INTS6: variants seen among roughly 807,000 people sequenced by gnomAD.
INTS6 encodes the protein DEAD box protein.
Under a neutral mutation model 104.9 loss-of-function variants are expected in INTS6, and 16 were observed. That is an observed-to-expected ratio of 0.15 (90% confidence interval 0.10 to 0.23). The LOEUF (loss-of-function observed/expected upper bound fraction) is 0.23, where lower values mean the gene tolerates loss of function less well. Among genes scored for constraint, INTS6 ranks in the 10% least tolerant of loss-of-function variants. The pLI is 1.00. For synonymous variants in INTS6, 324 were observed against 358.7 expected, an observed-to-expected ratio of 0.90 and a Z score of 1.09; for missense variants, 584 against 1,062.8, an observed-to-expected ratio of 0.55 and a Z score of 6.26.
At chr13:51,431,247 T>C (rs887176375) in intron 3 of INTS6, among the ~76,000 whole-genome samples, 3 of 152,168 alleles carry the variant, frequency 2.0e-5, no homozygotes, top group Non-Finnish European at 4.4e-5. Context: ...TTCAAGAGGG[T>C]AAACCTTGTA....
intron 3 of INTS6, chr13:51,437,027 A>C (rs894442637): frequency 2.0e-5 from 3 of 152,188 alleles, no homozygotes; most frequent in Admixed American, 2.0e-4. Context: ...CCGAGGTGGG[A>C]GGACTGCCTG....
Position 51,364,881 on chromosome 13 carries a change from T to C in INTS6, c.*871A>G, listed in dbSNP as rs117986217. Reference sequence around the variant, plus strand: ...AGCTTCAGCTTCGTGCCATCCACAATCCTAGTGATAAAGGAAAAGGTGTTG... The same window carrying C: ...AGCTTCAGCTTCGTGCCATCCACAACCCTAGTGATAAAGGAAAAGGTGTTG... On this transcript the variant is annotated 3_prime_UTR_variant, in exon 18 of 18. Coordinates refer to ENST00000311234, the MANE Select transcript of INTS6 (RefSeq NM_012141.3). 6,698 of 152,274 alleles carry C rather than the reference T, an allele frequency of 0.044. 209 individuals are homozygous for C. The highest frequency in any genetic ancestry group is 0.056 in the South Asian group (269 of 4,834). The allele number at this position is 152,274 out of a possible 1,614,324, so 9.4% of individuals were successfully genotyped here.
downstream of INTS6, among the ~76,000 whole-genome samples, chr13:51,351,655 GTTTTC>G (rs1417379984): frequency 3.9e-5 from 6 of 151,938 alleles, no homozygotes; most frequent in Non-Finnish European, 8.8e-5. Flanking sequence ...ATTAATCTAT[GTTTTC>G]TTTTGTTTCT....
At chr13:51,352,266 GTCTT>G (rs1364403774), downstream of INTS6, among the ~76,000 whole-genome samples, 1 of 151,892 alleles carries the variant, frequency 6.6e-6, no homozygotes, top group African/African-American at 2.4e-5. Context: ...TTCCATTTAG[GTCTT>G]TCTTTGTTTC....
At chr13:51,440,599 C>A (rs1241789315) in intron 3 of INTS6, 1 of 152,128 alleles carries the variant, frequency 6.6e-6, no homozygotes, top group African/African-American at 2.4e-5. Flanking sequence ...TCTAGGTATA[C>A]CATTTTTTAT....
chr13:51,412,682 G>C lies in INTS6; in HGVS notation c.430-17199C>G, dbSNP rs528120681. Among the ~76,000 whole-genome samples the C allele has an allele frequency of 3.9e-5, 6 of 152,254 alleles. No homozygotes were observed. The East Asian group carries it at 1.2e-3, about 29-fold the overall frequency. On this transcript the variant is annotated intron_variant, in intron 4 of 17. Transcript: ENST00000311234. Reference sequence around the variant, plus strand: ...AAAAACCAGAGTGGTTTCATTATAAGGGATACCTGAAGTACTTTAAACTCT... The same window carrying C: ...AAAAACCAGAGTGGTTTCATTATAACGGATACCTGAAGTACTTTAAACTCT...
chr13:51,415,043 T>A (rs528486214), intron 4 of INTS6, among the ~76,000 whole-genome samples: 1 of 151,736 alleles, frequency 6.6e-6, no homozygotes, highest in Non-Finnish European at 1.5e-5. Context: ...GATCTGCCTA[T>A]CCTAGAATAT....
At chr13:51,366,535 C>T (rs1350519869) in intron 17 of INTS6, among the ~76,000 whole-genome samples, 2 of 151,972 alleles carry the variant, frequency 1.3e-5, no homozygotes, top group Non-Finnish European at 2.9e-5. Flanking sequence ...TTCCTTGCTA[C>T]TTAGAAGCTA....
intron 4 of INTS6, among the ~76,000 whole-genome samples, chr13:51,422,010 T>TAA (rs200891356): frequency 6.6e-6 from 1 of 150,468 alleles, no homozygotes; most frequent in Admixed American, 6.6e-5. Flanking sequence ...TGCTTCAAAG[T>TAA]AAAAAAAAAA....
chr13:51,427,484 A>G (rs1225109357), intron 4 of INTS6, among the ~76,000 whole-genome samples: 1 of 152,136 alleles, frequency 6.6e-6, no homozygotes, highest in African/African-American at 2.4e-5. Flanking sequence ...CAAATCCCAT[A>G]ATTATTTAGG....
the INTS6 span, chr13:51,348,257 C>T: frequency 1.2e-6 from 2 of 1,606,726 alleles, no homozygotes; most frequent in South Asian, 1.1e-5. Flanking sequence ...GGTGCTGGAG[C>T]TTCCTTACCT....
At chr13:51,370,467 T>C (rs552783715) in intron 15 of INTS6, among the ~76,000 whole-genome samples, 1 of 152,266 alleles carries the variant, frequency 6.6e-6, no homozygotes, top group South Asian at 2.1e-4. Context: ...CTTCCTTCTG[T>C]TGTGCTGAGC....
intron 9 of INTS6, 84 bp from the exon 10 acceptor site, chr13:51,382,207 G>A: frequency 1.4e-6 from 1 of 689,888 alleles, no homozygotes; most frequent in Admixed American, 3.2e-5. Flanking sequence ...CCTTTTTAAA[G>A]TCTGCTTTGT....
chr13:51,361,199 C>T (rs189213144), downstream of INTS6: 4 of 930,396 alleles, frequency 4.3e-6, no homozygotes, highest in African/African-American at 1.6e-5. Flanking sequence ...TTTGTAAGTA[C>T]ATTTTTAAAG....
At chr13:51,345,265 G>A in the INTS6 span, among the ~76,000 whole-genome samples, 1 of 152,102 alleles carries the variant, frequency 6.6e-6, no homozygotes, top group Non-Finnish European at 1.5e-5. Flanking sequence ...AGGTGGTCCG[G>A]CTCCAGCATC....
chr13:51,439,688 C>T (rs1460793787), intron 3 of INTS6: 3 of 152,300 alleles, frequency 2.0e-5, no homozygotes, highest in South Asian at 2.1e-4. Context: ...TAGAAATAAA[C>T]TCTAAATTTT....
At chr13:51,337,142 G>C in the INTS6 span, among the ~76,000 whole-genome samples, 5 of 152,272 alleles carry the variant, frequency 3.3e-5, no homozygotes, top group East Asian at 9.6e-4. Context: ...TTCCTCAGTG[G>C]GTGTGCTCTC....
intron 17 of INTS6, among the ~76,000 whole-genome samples, 153 bp from the exon 18 acceptor site, chr13:51,365,998 T>A (rs1453313850): frequency 2.0e-5 from 3 of 151,908 alleles, no homozygotes; most frequent in Non-Finnish European, 2.9e-5. Flanking sequence ...TAAAATATGT[T>A]GAAAGATTAG....
chr13:51,355,651 T>C (rs11619131), intron 3 of INTS6, among the ~76,000 whole-genome samples: 23,465 of 152,148 alleles, frequency 0.15, 2,376 homozygotes, highest in Middle Eastern at 0.31. Context: ...CTTAAAATGT[T>C]CTCCTTTCCA....
Sources: gnomAD v4.1 joint callset for allele counts (sites outside exome capture counted in the v4.1 genomes callset) on GRCh38, gnomAD v4.1.1 for gene constraint, MANE v1.5 for transcripts, NCBI Gene and HGNC (gene_info 2026-07-23, HGNC 2026-07-21) for gene names.